The following PPP6R2 variants were observed in gnomAD, a reference collection of about 807,000 sequenced individuals.
PPP6R2 encodes the protein protein phosphatase 6 regulatory subunit 2.
A neutral mutation model predicts 100.2 loss-of-function variants in PPP6R2; 62 were observed. The ratio of observed to expected loss-of-function variants is 0.62; its 90% CI spans 0.50 to 0.76. PPP6R2 has a LOEUF of 0.76. PPP6R2 is among the 30% of genes least tolerant of loss of function. The probability of loss-of-function intolerance (pLI) is 0.00; values close to 1 mark genes in which losing one functional copy is unlikely to be tolerated. For missense variants in PPP6R2, 1,142 were observed against 1,276.3 expected, an observed-to-expected ratio of 0.89 and a Z score of 1.60; for synonymous variants, 525 against 514.7, an observed-to-expected ratio of 1.02 and a Z score of -0.27.
the PPP6R2 span, among the ~76,000 whole-genome samples, chr22:50,331,477 C>T: frequency 2.6e-5 from 4 of 152,018 alleles, no homozygotes; most frequent in Non-Finnish European, 2.9e-5. Context: ...TCCAGCCGTT[C>T]GAGGGGGTCT....
chr22:50,355,414 A>G (rs2046290556), intron 1 of PPP6R2, among the ~76,000 whole-genome samples: 1 of 148,966 alleles, frequency 6.7e-6, no homozygotes, highest in Admixed American at 6.7e-5. Flanking sequence ...AATTTTTTGT[A>G]TTTTTAGTAG....
At chr22:50,379,856 G>C (rs2148653185) in intron 2 of PPP6R2, among the ~76,000 whole-genome samples, 1 of 152,270 alleles carries the variant, frequency 6.6e-6, no homozygotes, top group South Asian at 2.1e-4. Context: ...CTGGGTGGCA[G>C]ACCGAAACCC....
At chr22:50,364,681 G>A (rs76001475) in intron 1 of PPP6R2, among the ~76,000 whole-genome samples, 2,095 of 152,292 alleles carry the variant, frequency 0.014, 20 homozygotes, top group East Asian at 0.03. Context: ...GCAAGAGTTT[G>A]TCAAATAGAG....
At chr22:50,370,388 A>T (rs773661461) in intron 1 of PPP6R2, among the ~76,000 whole-genome samples, 2 of 151,868 alleles carry the variant, frequency 1.3e-5, no homozygotes, top group Admixed American at 1.3e-4. Flanking sequence ...CCCAGGTTCA[A>T]GCAATTCTCC....
At chr22:50,334,728 G>C in the PPP6R2 span, among the ~76,000 whole-genome samples, 3 of 152,054 alleles carry the variant, frequency 2.0e-5, no homozygotes, top group African/African-American at 7.2e-5. Context: ...CACTTTGGGA[G>C]GCCAAGGTGG....
chr22:50,364,523 A>G (rs1035089668), intron 1 of PPP6R2, among the ~76,000 whole-genome samples: 1 of 152,190 alleles, frequency 6.6e-6, no homozygotes, highest in Non-Finnish European at 1.5e-5. Context: ...ACTTCAATAT[A>G]TTTAAAAAAT....
Position 50,420,554 on chromosome 22 carries a change from C to A in PPP6R2, c.845+1092C>A, listed in dbSNP as rs111853547. Among the ~76,000 whole-genome samples, 58 of 152,334 alleles carry A rather than the reference C, an allele frequency of 3.8e-4. 1 individual carries two copies. Among genetic ancestry groups the A allele is most frequent in the Middle Eastern group, 6.8e-3 (2 of 294 alleles). Reference sequence around the variant, plus strand: ...TTTCAGGAAGTGTTTGAAACTGTTTCTCTGGATCATAGTGTGGCCTAGTCC... The same window carrying A: ...TTTCAGGAAGTGTTTGAAACTGTTTATCTGGATCATAGTGTGGCCTAGTCC... On this transcript the variant is annotated intron_variant, in intron 8 of 23. Coordinates refer to ENST00000612753, the MANE Select transcript of PPP6R2 (RefSeq NM_001242898.2).
At chr22:50,350,167 C>T (rs1013283442) in intron 1 of PPP6R2, among the ~76,000 whole-genome samples, 2 of 152,114 alleles carry the variant, frequency 1.3e-5, no homozygotes, top group African/African-American at 4.8e-5. Flanking sequence ...TTAAAAGCAG[C>T]TCCTTATCTG....
chr22:50,414,727 G>A (rs1603303741), intron 5 of PPP6R2, 38 bp downstream of exon 5: 1 of 1,594,958 alleles, frequency 6.3e-7, no homozygotes, highest in Non-Finnish European at 8.5e-7. Flanking sequence ...CGAGGGCAGG[G>A]GTGCTGCAGG....
upstream of PPP6R2, among the ~76,000 whole-genome samples, chr22:50,343,013 C>T (rs1417128535): frequency 6.6e-6 from 1 of 152,224 alleles, no homozygotes; most frequent in African/African-American, 2.4e-5. Flanking sequence ...CTCTCAAATG[C>T]TGCGTCGGGC....
chr22:50,437,483 C>CAACCCAA, intron 15 of PPP6R2, 23 bp from the exon 16 acceptor site: 4 of 734,962 alleles, frequency 5.4e-6, no homozygotes, highest in Non-Finnish European at 1.0e-5. Context: ...CTGTCCGTCC[C>CAACCCAA]TCCCTCCCTC....
chr22:50,351,197 C>T (rs1343392794), intron 1 of PPP6R2, among the ~76,000 whole-genome samples: 2 of 142,874 alleles, frequency 1.4e-5, no homozygotes, highest in African/African-American at 2.6e-5. Flanking sequence ...TGTGCCATTG[C>T]GCCCAGCTAA....
intron 2 of PPP6R2, among the ~76,000 whole-genome samples, chr22:50,374,752 A>G (rs2051064660): frequency 6.6e-6 from 1 of 152,104 alleles, no homozygotes; most frequent in Admixed American, 6.6e-5. Context: ...CGTGTCTACT[A>G]AAAATACAAA....
chr22:50,428,684 A>T (rs1472978176), intron 10 of PPP6R2, among the ~76,000 whole-genome samples: 1 of 152,310 alleles, frequency 6.6e-6, no homozygotes, highest in Non-Finnish European at 1.5e-5. Context: ...CACTGTGTGT[A>T]CTTCAGCCAG....
chr22:50,422,831 G>T (rs2061512014), intron 9 of PPP6R2, among the ~76,000 whole-genome samples: 1 of 152,188 alleles, frequency 6.6e-6, no homozygotes, highest in Non-Finnish European at 1.5e-5. Flanking sequence ...GACCCCTGCT[G>T]CATAGCACCC....
chr22:50,339,534 GGTGT>G (rs1217742800), upstream of PPP6R2, among the ~76,000 whole-genome samples: 8 of 135,460 alleles, frequency 5.9e-5, no homozygotes, highest in African/African-American at 1.1e-4. Context: ...TGTGGTGTGT[GGTGT>G]GTGTGTGGTG....
intron 21 of PPP6R2, 127 bp downstream of exon 21, chr22:50,440,176 A>T: frequency 1.2e-6 from 1 of 859,678 alleles, no homozygotes. Flanking sequence ...GTCTCTGGTG[A>T]CATTGGGGTT....
At chr22:50,437,484 T>TTCCCAAC in intron 15 of PPP6R2, 22 bp from the exon 16 acceptor site, 1 of 542,128 alleles carries the variant, frequency 1.8e-6, no homozygotes. Flanking sequence ...TGTCCGTCCC[T>TTCCCAAC]CCCTCCCTCC....
intron 1 of PPP6R2, among the ~76,000 whole-genome samples, chr22:50,369,675 T>G (rs2049569705): frequency 6.6e-6 from 1 of 152,018 alleles, no homozygotes; most frequent in African/African-American, 2.4e-5. Flanking sequence ...CCGGCTAATT[T>G]TTTGTGTTTT....
Sources: allele counts gnomAD v4.1 joint callset (sites outside exome capture counted in the v4.1 genomes callset), GRCh38; gene constraint gnomAD v4.1.1; transcripts MANE v1.5; gene names NCBI Gene and HGNC (gene_info 2026-07-23, HGNC 2026-07-21).